NEGR1: variants seen among roughly 807,000 people sequenced by gnomAD.
The protein encoded by NEGR1 is IgLON family member 4.
In NEGR1, 10 loss-of-function variants were observed where a neutral mutation model predicts 40.9. The ratio of observed to expected loss-of-function variants is 0.24; its 90% CI spans 0.15 to 0.42. NEGR1 has a LOEUF of 0.42. NEGR1 is among the 10% of genes least tolerant of loss of function. NEGR1 has a pLI of 1.00. For missense variants in NEGR1, 352 were observed against 438.9 expected (o/e 0.80, Z 1.77); for synonymous variants, 185 against 166.8 (o/e 1.11, Z -0.84).
rs564328222 is a variant in NEGR1 at position 71,593,332 on chromosome 1, C to T, written c.789-364G>A. Among the ~76,000 whole-genome samples the T allele has an allele frequency of 5.9e-5, 9 of 152,192 alleles. No individual in the cohort carries two copies. In the South Asian group the frequency reaches 1.7e-3, roughly 28 times the overall value. On this transcript the variant is annotated intron_variant, in intron 5 of 6. Coordinates refer to ENST00000357731, the MANE Select transcript of NEGR1 (RefSeq NM_173808.3). ...AAGGGAAATAAATATAAAGATTCCACGGAAAGTACAAACTGATGGTTTCTA... is the reference window on the plus strand; with the variant it reads ...AAGGGAAATAAATATAAAGATTCCATGGAAAGTACAAACTGATGGTTTCTA...
chr1:72,234,627 A>G (rs1654489754), intron 1 of NEGR1, among the ~76,000 whole-genome samples: 1 of 152,156 alleles, frequency 6.6e-6, no homozygotes, highest in Non-Finnish European at 1.5e-5. Flanking sequence ...AAGGCAAAGG[A>G]CATGAACAGA....
chr1:71,415,180 C>T (rs1390073850), intron 6 of NEGR1, among the ~76,000 whole-genome samples: 1 of 151,594 alleles, frequency 6.6e-6, no homozygotes, highest in Non-Finnish European at 1.5e-5. Context: ...GTAGTTCCAT[C>T]ATTTTTGACA....
intron 6 of NEGR1, among the ~76,000 whole-genome samples, chr1:71,436,229 C>CAAAAAA (rs376091954): frequency 2.8e-4 from 34 of 122,966 alleles, no homozygotes; most frequent in African/African-American, 9.0e-4. Context: ...GTGAATATGG[C>CAAAAAA]AAAAAAAAAA....
chr1:71,619,572 A>G (rs1010293125), intron 4 of NEGR1, among the ~76,000 whole-genome samples: 1 of 152,112 alleles, frequency 6.6e-6, no homozygotes, highest in East Asian at 1.9e-4. Context: ...TGTGAGCTGA[A>G]GCAATTGCAC....
At chr1:71,977,833 A>T (rs1359802181) in intron 1 of NEGR1, among the ~76,000 whole-genome samples, 1 of 148,324 alleles carries the variant, frequency 6.7e-6, no homozygotes, top group East Asian at 2.0e-4. Context: ...AAAAAAAAAA[A>T]GTAAAAGAAA....
At chr1:71,638,475 A>T (rs908119335) in intron 4 of NEGR1, among the ~76,000 whole-genome samples, 12 of 152,078 alleles carry the variant, frequency 7.9e-5, no homozygotes, top group Non-Finnish European at 1.5e-5. Context: ...CAAGAAAGGA[A>T]CTCAAAAATA....
At chr1:71,451,353 G>C (rs1308987287) in intron 6 of NEGR1, among the ~76,000 whole-genome samples, 10 of 122,138 alleles carry the variant, frequency 8.2e-5, no homozygotes, top group African/African-American at 3.6e-4. Context: ...TTTTTTTTGA[G>C]TCAAAGTTTT....
chr1:72,076,689 T>C (rs2100519472), intron 1 of NEGR1, among the ~76,000 whole-genome samples: 1 of 152,212 alleles, frequency 6.6e-6, no homozygotes, highest in African/African-American at 2.4e-5. Context: ...TATGTATATG[T>C]GTGTACATAC....
At chr1:71,533,305 A>C (rs1647411729) in intron 6 of NEGR1, among the ~76,000 whole-genome samples, 1 of 151,620 alleles carries the variant, frequency 6.6e-6, no homozygotes, top group African/African-American at 2.4e-5. Context: ...GTTCCCTAAA[A>C]AGTCTTTCAA....
Position 71,513,382 on chromosome 1 carries a change from G to T in NEGR1, c.940+79435C>A, listed in dbSNP as rs528159216. On this transcript the variant is annotated intron_variant, in intron 6 of 6. Coordinates refer to ENST00000357731, the MANE Select transcript of NEGR1 (RefSeq NM_173808.3). ...TATTTAGGGTCTGGGTCTCAGTTTT[G>T]TGGGACCAGAAACCTATTTTTTCTA... Among the ~76,000 whole-genome samples, 10 of 152,206 alleles carry T rather than the reference G, an allele frequency of 6.6e-5. No individual in the cohort carries two copies. The South Asian group carries it at 2.1e-3, about 32-fold the overall frequency.
chr1:71,529,802 C>T (rs1446605959), intron 6 of NEGR1, among the ~76,000 whole-genome samples: 1 of 151,092 alleles, frequency 6.6e-6, no homozygotes, highest in African/African-American at 2.4e-5. Flanking sequence ...AAAAACGCCC[C>T]TTACCTTTCA....
In NEGR1 at chr1:71,776,248, T is replaced by C; in HGVS notation, c.459A>G (p.Gly153=). Residue 153 remains glycine, a synonymous_variant, in exon 3 of 7, where the codon GGA becomes GGG. Coordinates refer to ENST00000357731, the MANE Select transcript of NEGR1 (RefSeq NM_173808.3). ...CCAAACAAGTAAGAGTGACGTTGGTTCCTTCATTGACGGTCATATCATTTG... is the reference window on the plus strand; with the variant it reads ...CCAAACAAGTAAGAGTGACGTTGGTCCCTTCATTGACGGTCATATCATTTG... The part of the protein sequence containing the change: ...DISNDMTVNE[G]TNVTLTCLAT... 3 of 1,606,016 alleles carry C rather than the reference T, an allele frequency of 1.9e-6. No individual in the cohort carries two copies. Among genetic ancestry groups the C allele is most frequent in the Non-Finnish European group, 2.6e-6 (3 of 1,174,756 alleles).
At chr1:71,640,731 C>T (rs933868530) in intron 4 of NEGR1, among the ~76,000 whole-genome samples, 6 of 152,010 alleles carry the variant, frequency 3.9e-5, no homozygotes, top group Admixed American at 2.0e-4. Context: ...TATTAAAAAT[C>T]GAGAGCTTCT....
intron 6 of NEGR1, chr1:71,489,981 A>G (rs1646915520): frequency 6.6e-6 from 1 of 151,942 alleles, no homozygotes; most frequent in African/African-American, 2.4e-5. Flanking sequence ...CATGAATTAA[A>G]TTGAATTGCA....
intron 1 of NEGR1, among the ~76,000 whole-genome samples, chr1:72,034,598 T>G (rs1426227721): frequency 1.3e-5 from 2 of 152,060 alleles, no homozygotes; most frequent in African/African-American, 4.8e-5. Context: ...CATAAGAAAT[T>G]GAAATATTAG....
intron 1 of NEGR1, among the ~76,000 whole-genome samples, chr1:71,969,200 A>T (rs1168386459): frequency 6.6e-6 from 1 of 152,036 alleles, no homozygotes; most frequent in African/African-American, 2.4e-5. Context: ...TTTTTAGTAG[A>T]GATGGGGTTT....
At chr1:72,254,735 T>G (rs1446763462) in intron 1 of NEGR1, among the ~76,000 whole-genome samples, 3 of 151,284 alleles carry the variant, frequency 2.0e-5, no homozygotes, top group Non-Finnish European at 4.4e-5. Flanking sequence ...TTATTTATTA[T>G]ATGGTTCAAT....
chr1:72,198,849 C>T (rs1653096068), intron 1 of NEGR1, among the ~76,000 whole-genome samples: 1 of 151,856 alleles, frequency 6.6e-6, no homozygotes, highest in Non-Finnish European at 1.5e-5. Context: ...CTTATTTTTA[C>T]TTTATTTCTT....
At chr1:72,030,648 ACTT>A (rs1646849684) in intron 1 of NEGR1, among the ~76,000 whole-genome samples, 3 of 152,238 alleles carry the variant, frequency 2.0e-5, no homozygotes, top group Admixed American at 2.0e-4. Context: ...ACTAAAAAGA[ACTT>A]CATTTCAAAG....
Sources: gnomAD v4.1 joint callset for allele counts (sites outside exome capture counted in the v4.1 genomes callset) on GRCh38, gnomAD v4.1.1 for gene constraint, MANE v1.5 for transcripts, NCBI Gene and HGNC (gene_info 2026-07-23, HGNC 2026-07-21) for gene names.